PRUNE2: variants seen among roughly 807,000 people sequenced by gnomAD.
PRUNE2 encodes the protein protein prune homolog 2.
In PRUNE2, 164 loss-of-function variants were observed where a neutral mutation model predicts 252.0. That is an observed-to-expected ratio of 0.65 (90% CI 0.57 to 0.74). PRUNE2 has a LOEUF of 0.74. Ranked by LOEUF, PRUNE2 falls within the 30% of genes least tolerant of loss-of-function variation. The pLI is 0.00. For synonymous variants in PRUNE2, 1,292 were observed against 1,350.2 expected, an observed-to-expected ratio of 0.96 and a Z score of 0.94; for missense variants, 3,495 against 3,711.0, an observed-to-expected ratio of 0.94 and a Z score of 1.51.
chr9:76,811,432 A>G (rs1385004413), intron 6 of PRUNE2, among the ~76,000 whole-genome samples: 2 of 152,206 alleles, frequency 1.3e-5, no homozygotes, highest in African/African-American at 4.8e-5. Context: ...GATGACTAAA[A>G]TGACTAGAAC....
intron 9 of PRUNE2, among the ~76,000 whole-genome samples, chr9:76,668,680 G>A (rs993014358): frequency 6.6e-6 from 1 of 151,872 alleles, no homozygotes; most frequent in Non-Finnish European, 1.5e-5. Context: ...AGTTCCTTGA[G>A]GGCCTGTGGG....
chr9:76,745,161 T>C (rs57469575), intron 6 of PRUNE2, among the ~76,000 whole-genome samples: 3,828 of 152,294 alleles, frequency 0.025, 149 homozygotes, highest in African/African-American at 0.085. Flanking sequence ...TCCACTGCCT[T>C]TGGCCTTCAA....
At chr9:76,878,497 G>A (rs978606122) in intron 1 of PRUNE2, among the ~76,000 whole-genome samples, 13 of 152,316 alleles carry the variant, frequency 8.5e-5, no homozygotes, top group African/African-American at 3.1e-4. Context: ...TTAGAGAGAA[G>A]CTCTGTTGAC....
At chr9:76,615,023 G>A (rs1828754873) in intron 18 of PRUNE2, 1 of 842,950 alleles carries the variant, frequency 1.2e-6, no homozygotes, top group Non-Finnish European at 1.4e-6. Flanking sequence ...TAAATAGTAA[G>A]AAATGGTAAA....
chr9:76,676,970 T>A (rs2042701854), intron 9 of PRUNE2, among the ~76,000 whole-genome samples: 1 of 152,240 alleles, frequency 6.6e-6, no homozygotes, highest in Admixed American at 6.5e-5. Flanking sequence ...TATTTGTTCA[T>A]CTTCACAAAT....
chr9:76,735,570 G>T (rs569945178), intron 6 of PRUNE2, among the ~76,000 whole-genome samples: 3 of 151,962 alleles, frequency 2.0e-5, no homozygotes, highest in Non-Finnish European at 4.4e-5. Flanking sequence ...GTAACTGGAA[G>T]GCTGACCATG....
intron 6 of PRUNE2, among the ~76,000 whole-genome samples, chr9:76,715,755 T>C (rs2047096512): frequency 6.6e-6 from 1 of 152,212 alleles, no homozygotes; most frequent in African/African-American, 2.4e-5. Flanking sequence ...GGAGATTTTT[T>C]AAATAATCAA....
chr9:76,756,398 T>C (rs538071006), intron 6 of PRUNE2, among the ~76,000 whole-genome samples: 1 of 152,228 alleles, frequency 6.6e-6, no homozygotes, highest in Non-Finnish European at 1.5e-5. Context: ...CCTCTTTGAA[T>C]TGGTAAACCC....
intron 12 of PRUNE2, among the ~76,000 whole-genome samples, chr9:76,643,667 G>T (rs1299015980): frequency 1.3e-5 from 2 of 152,208 alleles, no homozygotes; most frequent in Non-Finnish European, 2.9e-5. Context: ...GCAAGACAAA[G>T]AAAGGCCATG....
intron 6 of PRUNE2, among the ~76,000 whole-genome samples, chr9:76,771,198 T>C (rs2053065563): frequency 6.6e-6 from 1 of 152,186 alleles, no homozygotes; most frequent in Non-Finnish European, 1.5e-5. Context: ...TGTGAAAGGT[T>C]GCAATTTTGA....
At chr9:76,732,425 C>T (rs1381106520) in intron 6 of PRUNE2, among the ~76,000 whole-genome samples, 2 of 152,214 alleles carry the variant, frequency 1.3e-5, no homozygotes, top group African/African-American at 2.4e-5. Flanking sequence ...GAAATCTGCC[C>T]TTACCACCCA....
At position 76,742,977 on chromosome 9, in the gene PRUNE2, T is replaced by G. The variant is rs559582989; in HGVS notation, c.757-29256A>C. On this transcript the variant is annotated intron_variant, in intron 6 of 18. Coordinates refer to ENST00000376718, the MANE Select transcript of PRUNE2 (RefSeq NM_015225.3). Reference sequence around the variant, plus strand: ...CCCACATGTCGTGGGAGGGACCCAGTGGCAGTTTAATTGAATCACGAGGTC... The same window carrying G: ...CCCACATGTCGTGGGAGGGACCCAGGGGCAGTTTAATTGAATCACGAGGTC... Among the ~76,000 whole-genome samples the G allele has an allele frequency of 6.6e-4, 100 of 152,330 alleles. 1 individual carries two copies. The highest frequency in any genetic ancestry group is 2.4e-3 in the African/African-American group (100 of 41,582).
intron 11 of PRUNE2, among the ~76,000 whole-genome samples, chr9:76,647,003 A>G (rs937589354): frequency 3.3e-5 from 5 of 152,164 alleles, no homozygotes; most frequent in Non-Finnish European, 7.4e-5. Flanking sequence ...GTCCTGGGCA[A>G]CATGGCGAAA....
chr9:76,730,767 G>T (rs192093386), intron 6 of PRUNE2, among the ~76,000 whole-genome samples: 82 of 152,340 alleles, frequency 5.4e-4, no homozygotes, highest in Non-Finnish European at 9.8e-4. Context: ...GAGTGTGGTG[G>T]TGGCACACGC....
intron 1 of PRUNE2, among the ~76,000 whole-genome samples, chr9:76,854,526 T>C (rs2060136092): frequency 6.6e-6 from 1 of 152,226 alleles, no homozygotes; most frequent in East Asian, 1.9e-4. Flanking sequence ...CTAAGGGGCA[T>C]AGTATTCTAT....
At chr9:76,762,947 T>C (rs1452302525) in intron 6 of PRUNE2, among the ~76,000 whole-genome samples, 1 of 152,202 alleles carries the variant, frequency 6.6e-6, no homozygotes, top group Non-Finnish European at 1.5e-5. Context: ...CAAAATAGCT[T>C]CCTTCACTCC....
intron 9 of PRUNE2, among the ~76,000 whole-genome samples, chr9:76,686,788 G>A (rs889242325): frequency 6.6e-6 from 1 of 152,166 alleles, no homozygotes; most frequent in Non-Finnish European, 1.5e-5. Context: ...GGTAGAGATG[G>A]TGTCTCACTA....
intron 9 of PRUNE2, among the ~76,000 whole-genome samples, chr9:76,668,276 A>C (rs2040587623): frequency 6.6e-6 from 1 of 152,218 alleles, no homozygotes; most frequent in Non-Finnish European, 1.5e-5. Context: ...GTTTTCAAAA[A>C]CAGTCTGAAT....
intron 6 of PRUNE2, among the ~76,000 whole-genome samples, chr9:76,754,507 C>T (rs1452568178): frequency 6.6e-6 from 1 of 152,170 alleles, no homozygotes; most frequent in Non-Finnish European, 1.5e-5. Flanking sequence ...GTGGTTCTTA[C>T]CTTAATTCAA....
Sources: gnomAD v4.1 joint callset for allele counts (sites outside exome capture counted in the v4.1 genomes callset) on GRCh38, gnomAD v4.1.1 for gene constraint, MANE v1.5 for transcripts, NCBI Gene and HGNC (gene_info 2026-07-23, HGNC 2026-07-21) for gene names.